The following DAOA variants were observed in gnomAD, a reference collection of about 807,000 sequenced individuals.
DAOA encodes D-amino acid oxidase activator, also known as D-amino acid oxidase regulator.
In DAOA, 15 loss-of-function variants were observed where a neutral mutation model predicts 16.4. That is an observed-to-expected ratio of 0.91 (90% confidence interval 0.61 to 1.41). The LOEUF (loss-of-function observed/expected upper bound fraction) is 1.41. DAOA is among the 40% of genes most tolerant of loss of function. The pLI, the probability that DAOA is intolerant of heterozygous loss-of-function variation, is 0.00. For missense variants in DAOA, 230 were observed against 176.8 expected, an observed-to-expected ratio of 1.30 and a Z score of -1.71; for synonymous variants, 75 against 59.1, an observed-to-expected ratio of 1.27 and a Z score of -1.23.
At position 105,473,060 on chromosome 13, in the gene DAOA, A is replaced by G. The variant is rs115825647; in HGVS notation, c.281+375A>G. On this transcript the variant is annotated intron_variant, in intron 4 of 5. Coordinates refer to ENST00000375936, the MANE Select transcript of DAOA (RefSeq NM_172370.5). ...TGTTGTGTCTCTCTTTAGAACCTCA[A>G]GGCTATTGAGAGGGAAATATGTGAA... Among the ~76,000 whole-genome samples, 1,410 of 152,164 alleles carry G rather than the reference A, an allele frequency of 9.3e-3. 22 individuals carry two copies. Among genetic ancestry groups the G allele is most frequent in the African/African-American group, 0.033 (1,354 of 41,504 alleles).
chr13:105,473,771 G>A (rs1420856572), intron 4 of DAOA, among the ~76,000 whole-genome samples: 1 of 152,062 alleles, frequency 6.6e-6, no homozygotes, highest in African/African-American at 2.4e-5. Flanking sequence ...GTGAAGCAAA[G>A]TTAAATTTAG....
intron 3 of DAOA, among the ~76,000 whole-genome samples, chr13:105,471,303 T>C (rs1876937858): frequency 6.7e-6 from 1 of 149,046 alleles, no homozygotes; most frequent in Non-Finnish European, 1.5e-5. Context: ...AAACCGAATG[T>C]GTGGCAAATG....
intron 4 of DAOA, among the ~76,000 whole-genome samples, chr13:105,480,871 G>A (rs1877693451): frequency 6.6e-6 from 1 of 152,176 alleles, no homozygotes; most frequent in African/African-American, 2.4e-5. Context: ...GCCATCAGCT[G>A]ATGAGACGGC....
intron 4 of DAOA, among the ~76,000 whole-genome samples, chr13:105,482,579 G>A (rs948970851): frequency 6.6e-6 from 1 of 150,592 alleles, no homozygotes; most frequent in African/African-American, 2.4e-5. Flanking sequence ...GTGCGATCAC[G>A]GCTCACTGCA....
chr13:105,485,252 A>G (rs1410061338), intron 4 of DAOA, among the ~76,000 whole-genome samples: 1 of 152,194 alleles, frequency 6.6e-6, no homozygotes, highest in Admixed American at 6.5e-5. Flanking sequence ...TAACCACCAA[A>G]TCTACAGCTC....
intron 4 of DAOA, among the ~76,000 whole-genome samples, chr13:105,476,439 AAAC>A (rs1877333353): frequency 6.6e-6 from 1 of 151,894 alleles, no homozygotes; most frequent in Non-Finnish European, 1.5e-5. Flanking sequence ...TAGAGAATAA[AAAC>A]AACAACAAAA....
intron 3 of DAOA, among the ~76,000 whole-genome samples, chr13:105,471,762 TC>T (rs1462048466): frequency 3.4e-3 from 19 of 5,624 alleles, no homozygotes; most frequent in East Asian, 0.17. Flanking sequence ...CACTGGACAC[TC>T]CTTTGCATTT....
chr13:105,479,736 G>A (rs1455738281), intron 4 of DAOA, among the ~76,000 whole-genome samples: 4 of 152,076 alleles, frequency 2.6e-5, no homozygotes, highest in African/African-American at 9.7e-5. Context: ...TCCAAATAAG[G>A]GCACATTCTG....
chr13:105,466,437 G>A (rs893820775), intron 2 of DAOA, 105 bp downstream of exon 2: 1 of 1,571,614 alleles, frequency 6.4e-7, no homozygotes, highest in East Asian at 2.3e-5. Flanking sequence ...ACAGGAAGTG[G>A]AACATGTCAG....
At chr13:105,484,304 C>T (rs532333062) in intron 4 of DAOA, among the ~76,000 whole-genome samples, 2 of 151,980 alleles carry the variant, frequency 1.3e-5, no homozygotes, top group African/African-American at 4.8e-5. Context: ...AAAAGTGTTA[C>T]AGCTGTAACA....
chr13:105,473,414 A>AT (rs962499547), intron 4 of DAOA, among the ~76,000 whole-genome samples: 7 of 151,802 alleles, frequency 4.6e-5, no homozygotes, highest in African/African-American at 1.2e-4. Flanking sequence ...GCAACATTGC[A>AT]TTTTTTTTAC....
chr13:105,487,638 A>G (rs574506665), intron 4 of DAOA, among the ~76,000 whole-genome samples: 19 of 152,246 alleles, frequency 1.2e-4, no homozygotes, highest in South Asian at 6.2e-4. Flanking sequence ...GCTAGAGGGA[A>G]TAGAGTAAAT....
intron 4 of DAOA, among the ~76,000 whole-genome samples, chr13:105,477,437 A>G (rs1181590114): frequency 6.6e-6 from 1 of 152,254 alleles, no homozygotes; most frequent in Non-Finnish European, 1.5e-5. Context: ...GAATGTAAAA[A>G]TTAGAAACTA....
At chr13:105,471,462 C>T (rs1482882736) in intron 3 of DAOA, among the ~76,000 whole-genome samples, 1 of 152,244 alleles carries the variant, frequency 6.6e-6, no homozygotes, top group Non-Finnish European at 1.5e-5. Context: ...AGGAAATGTT[C>T]ATCCTTTCAT....
At chr13:105,468,206 C>T (rs1594103181) in intron 3 of DAOA, among the ~76,000 whole-genome samples, 1 of 152,228 alleles carries the variant, frequency 6.6e-6, no homozygotes, top group East Asian at 1.9e-4. Flanking sequence ...TCACTCTCCA[C>T]CTCCCGGTCG....
intron 4 of DAOA, chr13:105,475,101 A>G (rs1025940159): frequency 2.1e-6 from 2 of 942,980 alleles, no homozygotes; most frequent in African/African-American, 3.5e-5. Flanking sequence ...ACCCCTAGTG[A>G]GATAAGAAAG....
chr13:105,485,756 G>A (rs1329555246), intron 4 of DAOA, among the ~76,000 whole-genome samples: 1 of 152,116 alleles, frequency 6.6e-6, no homozygotes, highest in Non-Finnish European at 1.5e-5. Flanking sequence ...AGACATACAG[G>A]AAGAACACCG....
chr13:105,486,972 C>A (rs1331344820), intron 4 of DAOA, among the ~76,000 whole-genome samples: 1 of 152,080 alleles, frequency 6.6e-6, no homozygotes, highest in Non-Finnish European at 1.5e-5. Context: ...CTCCCCTCTC[C>A]ATTACAGGTC....
At chr13:105,467,835 C>T (rs1467947128) in intron 3 of DAOA, 1 of 148,264 alleles carries the variant, frequency 6.7e-6, no homozygotes, top group Non-Finnish European at 1.5e-5. Flanking sequence ...ATAGCCTTGT[C>T]TTAGTTTTCT....
Sources: allele counts gnomAD v4.1 joint callset (sites outside exome capture counted in the v4.1 genomes callset), GRCh38; gene constraint gnomAD v4.1.1; transcripts MANE v1.5; gene names NCBI Gene and HGNC (gene_info 2026-07-23, HGNC 2026-07-21).